The following DSCAML1 variants were observed in gnomAD, a reference collection of about 807,000 sequenced individuals.
DSCAML1 encodes cell adhesion molecule DSCAML1.
Under a neutral mutation model 200.5 loss-of-function variants are expected in DSCAML1, and 38 were observed. That is an observed-to-expected ratio of 0.19 (90% CI 0.15 to 0.25). The LOEUF is 0.25. Among genes scored for constraint, DSCAML1 ranks in the 10% least tolerant of loss-of-function variants. The pLI is 1.00. For missense variants in DSCAML1, 2,223 were observed against 2,858.8 expected, an observed-to-expected ratio of 0.78 and a Z score of 5.07; for synonymous variants, 1,215 against 1,165.0, an observed-to-expected ratio of 1.04 and a Z score of -0.87.
chr11:117,480,324 T>A lies in DSCAML1; in HGVS notation c.2785+119A>T. ...TTGTGCACTGGTGGGTGCTTGTGTG[T>A]CTAGCTTGGATGGGCAGCCCTAAGG... is the stretch of plus-strand genomic sequence containing the variant. On this transcript the variant is annotated intron_variant, in intron 14 of 32. Coordinates refer to ENST00000651296, the MANE Select transcript of DSCAML1 (RefSeq NM_020693.4). The surrounding 1 kb of genome is among the most constrained non-coding windows in gnomAD (Gnocchi z 4.1). 4 of 1,453,812 alleles carry A rather than the reference T, an allele frequency of 2.8e-6. No individual in the cohort carries two copies. The South Asian group carries it at 4.0e-5, about 15-fold the overall frequency. The allele number at this position is 1,453,812 out of a possible 1,614,324, so 90.1% of individuals were successfully genotyped here. A position where few individuals can be genotyped will look rare whatever the true frequency, so the allele number is the denominator to read the frequency against.
chr11:117,707,555 G>A (rs2053777548), intron 3 of DSCAML1, among the ~76,000 whole-genome samples: 1 of 151,720 alleles, frequency 6.6e-6, no homozygotes, highest in Admixed American at 6.6e-5. Context: ...TATTTTTTGA[G>A]ATGGAGTCTC....
At chr11:117,671,589 G>A (rs1377546497) in intron 3 of DSCAML1, among the ~76,000 whole-genome samples, 1 of 152,168 alleles carries the variant, frequency 6.6e-6, no homozygotes, top group Admixed American at 6.5e-5. Context: ...GTCACATCAG[G>A]GGGTATCAAT....
At chr11:117,525,114 C>T (rs2049953854) in intron 4 of DSCAML1, 31 bp from the exon 5 acceptor site, 8 of 1,506,802 alleles carry the variant, frequency 5.3e-6, no homozygotes, top group Middle Eastern at 2.3e-4. Context: ...GCAGCCCTGG[C>T]CAGCCCTGGG....
intron 3 of DSCAML1, among the ~76,000 whole-genome samples, chr11:117,746,928 A>T (rs1565260224): frequency 6.6e-6 from 1 of 152,230 alleles, no homozygotes; most frequent in Non-Finnish European, 1.5e-5. Context: ...AACACAGCAC[A>T]AAATAACACT....
chr11:117,684,681 A>C (rs1236350053), intron 3 of DSCAML1, among the ~76,000 whole-genome samples: 1 of 152,310 alleles, frequency 6.6e-6, no homozygotes, highest in South Asian at 2.1e-4. Flanking sequence ...CTAATGTAAA[A>C]TGTATTGCTG....
chr11:117,625,869 T>C (rs1466739401), intron 3 of DSCAML1, among the ~76,000 whole-genome samples: 1 of 152,220 alleles, frequency 6.6e-6, no homozygotes, highest in African/African-American at 2.4e-5. Flanking sequence ...ATGCCATCAA[T>C]GTCCCCTATC....
intron 3 of DSCAML1, among the ~76,000 whole-genome samples, chr11:117,739,199 G>A (rs919874868): frequency 1.3e-5 from 2 of 152,220 alleles, no homozygotes; most frequent in Admixed American, 1.3e-4. Flanking sequence ...AACAGGCAGG[G>A]AAGGGACTTG....
chr11:117,769,126 TTATG>T (rs1225735968), intron 3 of DSCAML1, among the ~76,000 whole-genome samples: 37 of 127,900 alleles, frequency 2.9e-4, no homozygotes, highest in Non-Finnish European at 4.9e-4. Context: ...TTTATATATA[TTATG>T]TATATTATAT....
At chr11:117,580,887 A>C (rs1215969602) in intron 3 of DSCAML1, among the ~76,000 whole-genome samples, 3 of 152,196 alleles carry the variant, frequency 2.0e-5, no homozygotes, top group Non-Finnish European at 4.4e-5. Context: ...AGGGTCCTAA[A>C]ATTACACAGA....
At chr11:117,484,043 C>G (rs1027500415) in intron 11 of DSCAML1, among the ~76,000 whole-genome samples, 24 of 150,106 alleles carry the variant, frequency 1.6e-4, no homozygotes, top group East Asian at 6.0e-4. Flanking sequence ...CCCTGCCCCC[C>G]GCCCCTGCCC....
intron 3 of DSCAML1, among the ~76,000 whole-genome samples, chr11:117,715,909 A>G (rs1315695434): frequency 6.6e-6 from 1 of 152,190 alleles, no homozygotes; most frequent in Non-Finnish European, 1.5e-5. Context: ...CTAGTTGGTC[A>G]CTTGGCCCAC....
intron 3 of DSCAML1, among the ~76,000 whole-genome samples, chr11:117,706,285 A>C (rs761225143): frequency 6.6e-6 from 1 of 152,018 alleles, no homozygotes; most frequent in Non-Finnish European, 1.5e-5. Context: ...TATTTTCCCC[A>C]GGTTTTTATT....
chr11:117,556,120 A>G (rs1331598354), intron 3 of DSCAML1, among the ~76,000 whole-genome samples: 1 of 152,148 alleles, frequency 6.6e-6, no homozygotes, highest in African/African-American at 2.4e-5. Context: ...CCCAGCACCA[A>G]TCTCAGAGGC....
intron 3 of DSCAML1, among the ~76,000 whole-genome samples, chr11:117,604,732 G>A (rs1031215511): frequency 4.6e-5 from 7 of 152,238 alleles, no homozygotes; most frequent in Non-Finnish European, 8.8e-5. Context: ...TGGCAGATGA[G>A]ATAGGAAACC....
At chr11:117,486,584 C>T (rs911960137) in intron 11 of DSCAML1, among the ~76,000 whole-genome samples, 1 of 152,222 alleles carries the variant, frequency 6.6e-6, no homozygotes, top group Non-Finnish European at 1.5e-5. Context: ...CTGCCAGCTT[C>T]CTTCCAGGCC....
intron 3 of DSCAML1, among the ~76,000 whole-genome samples, chr11:117,560,281 A>C: frequency 6.6e-6 from 1 of 152,162 alleles, no homozygotes. Context: ...TATCTTATTT[A>C]ATCAGCACAG....
chr11:117,559,925 G>A (rs1003447757), intron 3 of DSCAML1, among the ~76,000 whole-genome samples: 17 of 152,110 alleles, frequency 1.1e-4, no homozygotes, highest in Non-Finnish European at 2.5e-4. Flanking sequence ...GGGGCAAAGG[G>A]CTAGGTAGGA....
intron 8 of DSCAML1, among the ~76,000 whole-genome samples, chr11:117,515,276 C>T (rs1249184630): frequency 6.6e-6 from 1 of 152,148 alleles, no homozygotes; most frequent in Non-Finnish European, 1.5e-5. Context: ...CAGTACCCAA[C>T]CCCTGTAGCC....
rs190395645 is a variant in DSCAML1 at position 117,503,087 on chromosome 11, G to A, written c.2359+758C>T. Among the ~76,000 whole-genome samples the A allele has an allele frequency of 2.0e-5, 3 of 152,280 alleles. No individual in the cohort carries two copies. Among genetic ancestry groups the A allele is most frequent in the African/African-American group, 7.2e-5 (3 of 41,562 alleles). ...GTAAAGGGAGAGGCTCACCCAGTAG[G>A]GATATCTGTATGAGACTTAAGAAAA... On this transcript the variant is annotated intron_variant, in intron 11 of 32. Transcript: ENST00000651296. This position sits in a 1 kb window ranked among gnomAD's most constrained non-coding sequence, Gnocchi z 5.2.
Sources: allele counts gnomAD v4.1 joint callset (sites outside exome capture counted in the v4.1 genomes callset), GRCh38; gene constraint gnomAD v4.1.1; non-coding constraint Gnocchi (gnomAD v3.1); transcripts MANE v1.5; gene names NCBI Gene and HGNC (gene_info 2026-07-23, HGNC 2026-07-21).